Variants in CTNNA2 observed in about 807,000 individuals in gnomAD.
The protein encoded by CTNNA2 is catenin alpha-2.
In CTNNA2, 42 loss-of-function variants were observed where a neutral mutation model predicts 101.0. The ratio of observed to expected loss-of-function variants is 0.42; its 90% CI spans 0.32 to 0.54. CTNNA2 has a LOEUF of 0.54. CTNNA2 is among the 20% of genes least tolerant of loss of function. CTNNA2 has a pLI of 0.14. For missense variants in CTNNA2, 871 were observed against 1,223.1 expected, an observed-to-expected ratio of 0.71 and a Z score of 4.29; for synonymous variants, 450 against 456.4, an observed-to-expected ratio of 0.99 and a Z score of 0.18.
At chr2:79,694,201 A>C (rs1045099731) in intron 2 of CTNNA2, among the ~76,000 whole-genome samples, 3 of 151,976 alleles carry the variant, frequency 2.0e-5, no homozygotes, top group Admixed American at 6.6e-5. Flanking sequence ...CTTTAATGTT[A>C]AGGGAGACAT....
chr2:79,508,706 T>C (rs866311084), upstream of CTNNA2, among the ~76,000 whole-genome samples: 7 of 151,984 alleles, frequency 4.6e-5, no homozygotes, highest in African/African-American at 1.4e-4. Context: ...TCAAGTATTA[T>C]TTCATAAAAT....
chr2:79,341,001 G>A (rs1487854603), intron 3 of CTNNA2, among the ~76,000 whole-genome samples: 1 of 151,130 alleles, frequency 6.6e-6, no homozygotes, highest in Non-Finnish European at 1.5e-5. Context: ...TGGCTATCAT[G>A]TACAATAAAT....
chr2:80,307,530 C>T (rs1677146243), intron 7 of CTNNA2, among the ~76,000 whole-genome samples: 3 of 152,048 alleles, frequency 2.0e-5, no homozygotes, highest in Admixed American at 2.0e-4. Context: ...TGCTTATTCT[C>T]TCATATGTCT....
At chr2:80,414,304 A>G (rs1679850122) in intron 8 of CTNNA2, among the ~76,000 whole-genome samples, 2 of 152,342 alleles carry the variant, frequency 1.3e-5, no homozygotes, top group African/African-American at 4.8e-5. Context: ...CATACTTGCC[A>G]TTCCTGTCCT....
intron 7 of CTNNA2, among the ~76,000 whole-genome samples, chr2:79,931,458 G>T (rs2974144): frequency 2.0e-5 from 3 of 151,838 alleles, no homozygotes; most frequent in Non-Finnish European, 4.4e-5. Context: ...TGAGGTCATG[G>T]AGGAGAATGC....
At chr2:79,382,156 G>A (rs1374120839) in intron 4 of CTNNA2, among the ~76,000 whole-genome samples, 1 of 151,800 alleles carries the variant, frequency 6.6e-6, no homozygotes, top group African/African-American at 2.4e-5. Flanking sequence ...TCTGCTTGGT[G>A]GGACATCCTC....
At chr2:79,888,408 C>T (rs1453500718) in intron 6 of CTNNA2, among the ~76,000 whole-genome samples, 1 of 152,128 alleles carries the variant, frequency 6.6e-6, no homozygotes, top group African/African-American at 2.4e-5. Context: ...TCTGATATTG[C>T]TTCTAAACAG....
intron 2 of CTNNA2, among the ~76,000 whole-genome samples, chr2:79,736,588 G>C (rs1156340093): frequency 1.3e-5 from 2 of 152,160 alleles, no homozygotes; most frequent in Non-Finnish European, 2.9e-5. Flanking sequence ...GGAATAAATA[G>C]AGTGTTTTTT....
rs533573361 is a variant in CTNNA2 at position 80,386,000 on chromosome 2, G to A, written c.1057-7211G>A. On this transcript the variant is annotated intron_variant, in intron 7 of 18. Coordinates refer to ENST00000402739, the MANE Select transcript of CTNNA2 (RefSeq NM_001282597.3). ...GAAATAACATGGATGGGTTGATGGGGGGATGAGAACAGGTGTTGATCTCTC... is the reference window on the plus strand; with the variant it reads ...GAAATAACATGGATGGGTTGATGGGAGGATGAGAACAGGTGTTGATCTCTC... Among the ~76,000 whole-genome samples, 13 of 152,266 alleles carry A rather than the reference G, an allele frequency of 8.5e-5. No individual in the cohort carries two copies. The South Asian group carries it at 2.5e-3, about 29-fold the overall frequency.
intron 9 of CTNNA2, among the ~76,000 whole-genome samples, chr2:80,508,053 A>C (rs1688411648): frequency 6.6e-6 from 1 of 152,176 alleles, no homozygotes; most frequent in Admixed American, 6.5e-5. Context: ...TTCCTATTGG[A>C]TGGCCTCAGT....
chr2:79,767,266 T>G (rs2105120783), intron 3 of CTNNA2, among the ~76,000 whole-genome samples: 1 of 152,194 alleles, frequency 6.6e-6, no homozygotes, highest in African/African-American at 2.4e-5. Flanking sequence ...TGTCTTGAAT[T>G]TCTTTGCATT....
At chr2:79,537,146 G>A (rs949971647) in intron 1 of CTNNA2, among the ~76,000 whole-genome samples, 1 of 152,070 alleles carries the variant, frequency 6.6e-6, no homozygotes, top group Non-Finnish European at 1.5e-5. Flanking sequence ...ATTGAAGGAC[G>A]TTCTGTTGGT....
intron 2 of CTNNA2, among the ~76,000 whole-genome samples, chr2:79,271,190 A>G (rs139780868): frequency 6.6e-5 from 10 of 152,170 alleles, no homozygotes; most frequent in Middle Eastern, 3.4e-3. Context: ...TAAGTAATAA[A>G]TTGCTTTTCA....
At chr2:79,954,427 T>C (rs1689086598) in intron 7 of CTNNA2, among the ~76,000 whole-genome samples, 1 of 152,194 alleles carries the variant, frequency 6.6e-6, no homozygotes, top group African/African-American at 2.4e-5. Context: ...TCCAGTCTTC[T>C]CTTGTTTCAC....
At chr2:80,643,343 T>C (rs751119500) in intron 18 of CTNNA2, among the ~76,000 whole-genome samples, 2 of 152,190 alleles carry the variant, frequency 1.3e-5, no homozygotes, top group African/African-American at 2.4e-5. Context: ...GCAAGCTATA[T>C]GCTTCTAAGT....
intron 7 of CTNNA2, among the ~76,000 whole-genome samples, chr2:80,359,408 G>A (rs1482200324): frequency 6.6e-6 from 1 of 152,118 alleles, no homozygotes; most frequent in Admixed American, 6.6e-5. Context: ...CTAAACTCAT[G>A]TTCAGTTGTA....
intron 7 of CTNNA2, among the ~76,000 whole-genome samples, chr2:80,336,468 T>C (rs755037005): frequency 2.0e-5 from 3 of 152,204 alleles, no homozygotes; most frequent in Non-Finnish European, 4.4e-5. Flanking sequence ...CATCCTATTT[T>C]TGAAGCATTT....
chr2:80,017,072 G>A, intron 7 of CTNNA2, among the ~76,000 whole-genome samples: 1 of 152,154 alleles, frequency 6.6e-6, no homozygotes, highest in East Asian at 1.9e-4. Context: ...TGGGCCAACT[G>A]GGAGGGAGCC....
upstream of CTNNA2, among the ~76,000 whole-genome samples, chr2:79,508,719 T>G (rs1189938842): frequency 6.6e-6 from 1 of 151,908 alleles, no homozygotes; most frequent in Non-Finnish European, 1.5e-5. Context: ...CATAAAATTC[T>G]CACAAGAAAG....
Sources: allele counts gnomAD v4.1 joint callset (sites outside exome capture counted in the v4.1 genomes callset), GRCh38; gene constraint gnomAD v4.1.1; transcripts MANE v1.5; gene names NCBI Gene and HGNC (gene_info 2026-07-23, HGNC 2026-07-21).